RANBP2: variants seen among roughly 807,000 people sequenced by gnomAD.
The protein encoded by RANBP2 is RAN binding protein 2.
RANBP2 carries 57 observed loss-of-function variants against 303.6 expected under a neutral mutation model. The ratio of observed to expected loss-of-function variants is 0.19; its 90% CI spans 0.15 to 0.23. RANBP2 has a LOEUF of 0.23. Among genes scored for constraint, RANBP2 ranks in the 10% least tolerant of loss-of-function variants. RANBP2 has a pLI of 1.00. For synonymous variants in RANBP2, 1,167 were observed against 1,301.5 expected, an observed-to-expected ratio of 0.90 and a Z score of 2.23; for missense variants, 3,138 against 3,780.8, an observed-to-expected ratio of 0.83 and a Z score of 4.46.
chr2:109,392,576 T>G, the RANBP2 span, among the ~76,000 whole-genome samples: 3 of 152,114 alleles, frequency 2.0e-5, no homozygotes, highest in African/African-American at 7.2e-5. Context: ...TGGCGTGATC[T>G]TGGCTCACTG....
At chr2:109,645,663 G>T in the RANBP2 span, among the ~76,000 whole-genome samples, 1 of 152,108 alleles carries the variant, frequency 6.6e-6, no homozygotes, top group South Asian at 2.1e-4. Context: ...GTCTAGACTG[G>T]AATTCCCGAC....
the RANBP2 span, chr2:109,615,821 G>A: frequency 6.2e-7 from 1 of 1,614,140 alleles, no homozygotes; most frequent in Non-Finnish European, 8.5e-7. Flanking sequence ...ATCACCACTC[G>A]GCTGAGGGGT....
intron 1 of RANBP2, among the ~76,000 whole-genome samples, chr2:108,723,735 C>T (rs1030085528): frequency 1.3e-5 from 2 of 152,004 alleles, no homozygotes; most frequent in Admixed American, 6.6e-5. Context: ...ATTTGAATTG[C>T]CCTTGTTGTG....
chr2:109,478,544 G>A, the RANBP2 span, among the ~76,000 whole-genome samples: 1 of 152,200 alleles, frequency 6.6e-6, no homozygotes, highest in Non-Finnish European at 1.5e-5. Context: ...TTTCCTTGCA[G>A]AATTCTTCTC....
chr2:108,982,778 C>T, the RANBP2 span, among the ~76,000 whole-genome samples: 23 of 152,254 alleles, frequency 1.5e-4, no homozygotes, highest in African/African-American at 5.1e-4. Context: ...CCTAAGTCTC[C>T]TTGCTTTGGT....
At chr2:109,607,308 T>C in the RANBP2 span, among the ~76,000 whole-genome samples, 7 of 152,198 alleles carry the variant, frequency 4.6e-5, no homozygotes, top group Non-Finnish European at 1.0e-4. Context: ...ATTTAACTTA[T>C]AATGTACAGA....
At chr2:108,963,747 C>T in the RANBP2 span, among the ~76,000 whole-genome samples, 3 of 152,212 alleles carry the variant, frequency 2.0e-5, no homozygotes, top group Admixed American at 6.5e-5. Context: ...ATGGGTATCA[C>T]AGGACTGCCT....
chr2:108,760,473 A>G (rs376710734), intron 18 of RANBP2, among the ~76,000 whole-genome samples: 2 of 152,176 alleles, frequency 1.3e-5, no homozygotes, highest in South Asian at 4.1e-4. Flanking sequence ...GGTTTATGCC[A>G]TTACAAATTC....
At chr2:109,092,191 C>T in the RANBP2 span, among the ~76,000 whole-genome samples, 1 of 152,126 alleles carries the variant, frequency 6.6e-6, no homozygotes, top group Non-Finnish European at 1.5e-5. Flanking sequence ...ACTCAGAGGA[C>T]CCTCCTAATT....
At chr2:109,113,896 G>C in the RANBP2 span, among the ~76,000 whole-genome samples, 5 of 152,212 alleles carry the variant, frequency 3.3e-5, no homozygotes, top group African/African-American at 1.2e-4. Context: ...AGATAATCAT[G>C]TGGTTTTTGT....
the RANBP2 span, among the ~76,000 whole-genome samples, chr2:109,192,042 A>G: frequency 6.6e-6 from 1 of 152,298 alleles, no homozygotes; most frequent in East Asian, 1.9e-4. Context: ...CAATTTGAAA[A>G]GCATTGAATT....
chr2:109,485,263 A>G, the RANBP2 span, among the ~76,000 whole-genome samples: 2 of 152,266 alleles, frequency 1.3e-5, 1 homozygote, highest in Non-Finnish European at 2.9e-5. Context: ...CTGTCTCCAC[A>G]TGGCTTAATC....
chr2:109,183,506 T>G, the RANBP2 span, among the ~76,000 whole-genome samples: 1 of 152,178 alleles, frequency 6.6e-6, no homozygotes, highest in Non-Finnish European at 1.5e-5. Context: ...TTCAGTGGCC[T>G]TTTGAAGGCT....
chr2:109,447,766 G>C, the RANBP2 span, among the ~76,000 whole-genome samples: 4 of 152,164 alleles, frequency 2.6e-5, no homozygotes, highest in Non-Finnish European at 5.9e-5. Context: ...CTATTAATGT[G>C]GTGCTGTGTT....
the RANBP2 span, among the ~76,000 whole-genome samples, chr2:109,623,673 C>G: frequency 4.6e-5 from 7 of 152,208 alleles, no homozygotes; most frequent in African/African-American, 1.7e-4. Flanking sequence ...TGGCTCATGG[C>G]TTAAGGTGTG....
At chr2:109,363,062 G>A in the RANBP2 span, among the ~76,000 whole-genome samples, 1 of 152,086 alleles carries the variant, frequency 6.6e-6, no homozygotes, top group African/African-American at 2.4e-5. Flanking sequence ...AAAGTGATGT[G>A]TGATAGAGTC....
At chr2:108,786,923 C>T (rs748592907), downstream of RANBP2, 7 of 1,514,996 alleles carry the variant, frequency 4.6e-6, no homozygotes, top group South Asian at 7.4e-5. Context: ...GAGGTGAAGC[C>T]GCCGCCTGAG....
At chr2:108,787,970 A>G (rs1277824027), downstream of RANBP2, 4 of 1,307,114 alleles carry the variant, frequency 3.1e-6, no homozygotes, top group Non-Finnish European at 4.2e-6. Context: ...TTGTGGGGAA[A>G]TATTTTGAGA....
chr2:109,223,812 T>G, the RANBP2 span, among the ~76,000 whole-genome samples: 1 of 152,194 alleles, frequency 6.6e-6, no homozygotes. Flanking sequence ...TCAATACATG[T>G]TTGTGCAGAA....
Sources: allele counts gnomAD v4.1 joint callset (sites outside exome capture counted in the v4.1 genomes callset), GRCh38; gene constraint gnomAD v4.1.1; transcripts MANE v1.5; gene names NCBI Gene and HGNC (gene_info 2026-07-23, HGNC 2026-07-21).